The following VAV3 variants were observed in gnomAD, a reference collection of about 807,000 sequenced individuals.
VAV3 encodes guanine nucleotide exchange factor VAV3.
A neutral mutation model predicts 131.2 loss-of-function variants in VAV3; 94 were observed. That is an observed-to-expected ratio of 0.72 (90% confidence interval 0.61 to 0.85). The LOEUF (loss-of-function observed/expected upper bound fraction) is 0.85. VAV3 is among the 40% of genes least tolerant of loss of function. The probability of loss-of-function intolerance (pLI) is 0.00; values close to 1 mark genes in which losing one functional copy is unlikely to be tolerated. For synonymous variants in VAV3, 349 were observed against 342.0 expected (o/e 1.02, Z -0.22); for missense variants, 939 against 1,002.7 (o/e 0.94, Z 0.86).
chr1:107,707,516 A>C (rs1459026684), intron 15 of VAV3, among the ~76,000 whole-genome samples: 1 of 152,216 alleles, frequency 6.6e-6, no homozygotes, highest in Non-Finnish European at 1.5e-5. Context: ...AATCCATATA[A>C]TAAGGGTGTG....
chr1:107,748,937 T>C (rs1663526237), intron 15 of VAV3, 31 bp downstream of exon 15: 1 of 1,484,066 alleles, frequency 6.7e-7, no homozygotes, highest in Non-Finnish European at 9.2e-7. Context: ...CTAGTAAAAA[T>C]AAAAGCACTT....
At chr1:107,611,791 T>G (rs1652756142) in intron 21 of VAV3, among the ~76,000 whole-genome samples, 1 of 152,082 alleles carries the variant, frequency 6.6e-6, no homozygotes, top group Non-Finnish European at 1.5e-5. Flanking sequence ...ACTAGAGCTT[T>G]TCTCTCTTCA....
At chr1:107,682,810 C>G (rs1658742359) in intron 19 of VAV3, among the ~76,000 whole-genome samples, 1 of 152,106 alleles carries the variant, frequency 6.6e-6, no homozygotes, top group Admixed American at 6.6e-5. Context: ...ATTTGGAATC[C>G]TTTAACTGTG....
In VAV3 at chr1:107,736,886, C is replaced by T. The variant is rs191456248; in HGVS notation, c.1502+12082G>A. Among the ~76,000 whole-genome samples, 337 of 152,224 alleles carry T rather than the reference C, an allele frequency of 2.2e-3. 1 individual carries two copies. The highest frequency in any genetic ancestry group is 7.6e-3 in the African/African-American group (315 of 41,538). ...GTTCATATGGAAACAAAAAAGAGCC[C>T]GCATTGCCAAGACAATCCTAAACAA... On this transcript the variant is annotated intron_variant, in intron 15 of 26. Transcript: ENST00000370056.
At chr1:107,730,879 TGA>T (rs1306172180) in intron 15 of VAV3, among the ~76,000 whole-genome samples, 21 of 152,138 alleles carry the variant, frequency 1.4e-4, no homozygotes, top group African/African-American at 4.8e-4. Flanking sequence ...CAGCATGGTA[TGA>T]GAGAAAAAGC....
chr1:107,831,613 C>A (rs1178379280), intron 2 of VAV3, among the ~76,000 whole-genome samples: 1 of 152,066 alleles, frequency 6.6e-6, no homozygotes, highest in East Asian at 1.9e-4. Context: ...CCCTTTTGTT[C>A]ATGTTGCTCA....
chr1:107,796,798 A>AT lies in VAV3; in HGVS notation c.322-17307_322-17306insA, dbSNP rs1553210366. ...AGACATGCTGTTATTTGTAAAAAAA[A>AT]AAAAAAATATATATATATATGCAAA... On this transcript the variant is annotated intron_variant, in intron 2 of 26. Transcript: ENST00000370056. Among the ~76,000 whole-genome samples, 157 of 108,056 alleles carry AT rather than the reference A, an allele frequency of 1.5e-3. 4 individuals carry two copies. The East Asian group carries it at 0.031, about 22-fold the overall frequency. 70.9% of individuals were successfully genotyped at this position (108,056 alleles called of 152,430 possible).
chr1:107,918,705 A>ATT (rs66707621), intron 1 of VAV3, among the ~76,000 whole-genome samples: 32 of 76,990 alleles, frequency 4.2e-4, no homozygotes, highest in African/African-American at 1.3e-3. Flanking sequence ...ATATATATAT[A>ATT]TTTTTTTTTT....
In VAV3 at chr1:107,964,972, G is replaced by T. The variant is rs1222104023; in HGVS notation, c.-103C>A. 9 of 1,008,256 alleles carry T rather than the reference G, an allele frequency of 8.9e-6. No homozygotes were observed. The highest frequency in any genetic ancestry group is 3.4e-5 in the African/African-American group (2 of 58,056). The allele number at this position is 1,008,256 out of a possible 1,614,324, so 62.5% of individuals were successfully genotyped here. On this transcript the variant is annotated 5_prime_UTR_variant, in exon 1 of 27. Coordinates refer to ENST00000370056, the MANE Select transcript of VAV3 (RefSeq NM_006113.5). The stretch of plus-strand genomic sequence containing the variant: ...CCGCGCCCCGCCGACGCCAACAGCC[G>T]CCGGCCCTTTCCCCGCGCGGGATCG...
At chr1:107,697,625 A>G (rs1659827871) in intron 17 of VAV3, among the ~76,000 whole-genome samples, 1 of 152,202 alleles carries the variant, frequency 6.6e-6, no homozygotes, top group South Asian at 2.1e-4. Context: ...TCTGCAGGGC[A>G]CTAACAGTAT....
intron 2 of VAV3, among the ~76,000 whole-genome samples, chr1:107,844,235 T>C (rs1487922538): frequency 6.6e-6 from 1 of 151,870 alleles, no homozygotes; most frequent in Non-Finnish European, 1.5e-5. Flanking sequence ...CTCCCTCCCC[T>C]AGCCAAGGGA....
At chr1:107,842,524 A>G (rs187614851) in intron 2 of VAV3, among the ~76,000 whole-genome samples, 41 of 152,362 alleles carry the variant, frequency 2.7e-4, no homozygotes, top group African/African-American at 9.9e-4. Flanking sequence ...CTTCTGTGGC[A>G]GTAGTTTCAC....
At chr1:107,650,731 T>C (rs1485049269) in intron 19 of VAV3, among the ~76,000 whole-genome samples, 2 of 105,738 alleles carry the variant, frequency 1.9e-5, no homozygotes, top group Non-Finnish European at 3.5e-5. Context: ...CCCACAACAG[T>C]CCCAGAGTGT....
chr1:107,950,112 A>G (rs345276), intron 1 of VAV3, among the ~76,000 whole-genome samples: 110,189 of 151,784 alleles, frequency 0.73, 41,618 homozygotes, highest in East Asian at 0.91. Flanking sequence ...ACACCCCTGG[A>G]TTCTGGAAAC....
chr1:107,872,549 C>A (rs1310792547), intron 2 of VAV3, among the ~76,000 whole-genome samples: 3 of 152,156 alleles, frequency 2.0e-5, no homozygotes, highest in Non-Finnish European at 4.4e-5. Flanking sequence ...TCTGAATTAA[C>A]ACTATTCACA....
intron 20 of VAV3, among the ~76,000 whole-genome samples, chr1:107,624,440 G>C (rs1417353793): frequency 7.9e-6 from 1 of 125,864 alleles, no homozygotes; most frequent in Non-Finnish European, 1.8e-5. Context: ...TACCTTTAAT[G>C]ATAGAAAAAA....
chr1:107,777,365 G>A lies in VAV3; in HGVS notation c.381-69C>T, dbSNP rs745945562. 26 of 1,384,422 alleles carry A rather than the reference G, an allele frequency of 1.9e-5. 1 individual carries two copies. The highest frequency in any genetic ancestry group is 5.2e-5 in the Admixed American group (3 of 57,464). The allele number at this position is 1,384,422 out of a possible 1,614,324, so 85.8% of individuals were successfully genotyped here. A position where few individuals can be genotyped will look rare whatever the true frequency, so the allele number is the denominator to read the frequency against. ...AGTGAACGAGCAACAATCAGGCTGC[G>A]CACTTAACCCTCACTAAATATGTAA... On this transcript the variant is annotated intron_variant, in intron 3 of 26. Transcript: ENST00000370056.
intron 16 of VAV3, 92 bp from the exon 17 acceptor site, chr1:107,704,742 G>A (rs1660339650): frequency 2.6e-6 from 3 of 1,139,494 alleles, no homozygotes; most frequent in Non-Finnish European, 3.9e-6. Context: ...AGTATCAACA[G>A]TGCTCTTCAA....
At chr1:107,597,039 G>C (rs1487421724) in intron 24 of VAV3, among the ~76,000 whole-genome samples, 1 of 152,080 alleles carries the variant, frequency 6.6e-6, no homozygotes, top group African/African-American at 2.4e-5. Context: ...AGATTCTGCA[G>C]AAATCTGAAT....
Sources: gnomAD v4.1 joint callset for allele counts (sites outside exome capture counted in the v4.1 genomes callset) on GRCh38, gnomAD v4.1.1 for gene constraint, MANE v1.5 for transcripts, NCBI Gene and HGNC (gene_info 2026-07-23, HGNC 2026-07-21) for gene names.